PPP1R37: variants seen among roughly 807,000 people sequenced by gnomAD.
The protein encoded by PPP1R37 is leucine rich repeat containing 68.
PPP1R37 carries 21 observed loss-of-function variants against 61.0 expected under a neutral mutation model. That is an observed-to-expected ratio of 0.34 (90% CI 0.24 to 0.50). PPP1R37 has a LOEUF of 0.50. Ranked by LOEUF, PPP1R37 falls within the 20% of genes least tolerant of loss-of-function variation. PPP1R37 has a pLI of 0.98. For synonymous variants in PPP1R37, 443 were observed against 433.5 expected (o/e 1.02, Z -0.27); for missense variants, 910 against 952.7 (o/e 0.96, Z 0.59).
chr19:45,141,191 T>C, intron 4 of PPP1R37, 131 bp from the exon 5 acceptor site: 3 of 1,002,322 alleles, frequency 3.0e-6, no homozygotes, highest in Non-Finnish European at 4.2e-6. Context: ...TCTGTGCTTG[T>C]CCTCCTCTCC....
chr19:45,124,333 G>T (rs931760211), intron 1 of PPP1R37, among the ~76,000 whole-genome samples: 1 of 152,210 alleles, frequency 6.6e-6, no homozygotes, highest in Non-Finnish European at 1.5e-5. Context: ...CGGGCCCTTC[G>T]GGGGACGGGA....
chr19:45,093,581 AG>A, intron 1 of PPP1R37, 54 bp downstream of exon 1: 2 of 1,440,280 alleles, frequency 1.4e-6, no homozygotes, highest in South Asian at 2.5e-5. Flanking sequence ...GGGAGTCGGG[AG>A]GGATCGGTGC....
Position 45,146,464 on chromosome 19 carries a change from A to G in PPP1R37, c.2068A>G (p.Thr690Ala). ...AGCCAGTCAGGAATCCGGGCAGGAG[A>G]CACTGTGACACTTTAGGTGAGGCCA... ...LEASQESGQETL is the reference protein window; with the variant it reads ...LEASQESGQEAL The change falls in exon 12 of 13, where the codon ACA becomes GCA. Residue 690 changes from threonine (T) to alanine (A), a missense_variant. Transcript: ENST00000221462. 2 of 1,535,196 alleles carry G rather than the reference A, an allele frequency of 1.3e-6. No individual in the cohort carries two copies. Among genetic ancestry groups the G allele is most frequent in the East Asian group, 2.4e-5 (1 of 40,840 alleles).
At chr19:45,123,722 C>G (rs1391181497) in intron 1 of PPP1R37, among the ~76,000 whole-genome samples, 1 of 152,220 alleles carries the variant, frequency 6.6e-6, no homozygotes, top group Non-Finnish European at 1.5e-5. Context: ...TAAAGAGCTG[C>G]TCGCACCATT....
intron 1 of PPP1R37, among the ~76,000 whole-genome samples, chr19:45,114,033 G>A (rs1182756639): frequency 6.6e-6 from 1 of 152,250 alleles, no homozygotes; most frequent in East Asian, 1.9e-4. Context: ...AGGGGCTTCC[G>A]TTTGCCACGC....
rs775755455 is a variant in PPP1R37, at chr19:45,145,817, C to T, written c.1761C>T (p.Pro587=). 7.0e-5 allele frequency: 99 copies of T among 1,415,422 alleles called. No individual in the cohort carries two copies. In the South Asian group the frequency reaches 1.3e-3, roughly 18 times the overall value. The allele number at this position is 1,415,422 out of a possible 1,614,324, so 87.7% of individuals were successfully genotyped here. Reference sequence around the variant, plus strand: ...AGAGGGCAGAGCCCCCTGCGTCCCCCACCCCTCCCTCTCCCCCACCCCCTC... The same window carrying T: ...AGAGGGCAGAGCCCCCTGCGTCCCCTACCCCTCCCTCTCCCCCACCCCCTC... ...PPERAEPPAS[P]TPPSPPPPPS... is the part of the protein sequence containing the mutation. Residue 587 remains proline, a synonymous_variant, in exon 11 of 13, where the codon CCC becomes CCT. Coordinates refer to ENST00000221462, the MANE Select transcript of PPP1R37 (RefSeq NM_019121.2).
chr19:45,106,918 G>C (rs537960315), intron 1 of PPP1R37, among the ~76,000 whole-genome samples: 2 of 138,272 alleles, frequency 1.4e-5, no homozygotes, highest in Admixed American at 1.6e-4. Flanking sequence ...CCAGGTTCAC[G>C]CCATTCTCCT....
At chr19:45,099,061 G>A (rs772006447) in intron 1 of PPP1R37, among the ~76,000 whole-genome samples, 9 of 152,186 alleles carry the variant, frequency 5.9e-5, no homozygotes, top group South Asian at 4.1e-4. Flanking sequence ...CTGATCCATA[G>A]TAAATGCCCA....
chr19:45,131,834 G>A lies in PPP1R37; in HGVS notation c.203-6680G>A, dbSNP rs138645962. Among the ~76,000 whole-genome samples, 583 of 152,268 alleles carry A rather than the reference G, an allele frequency of 3.8e-3. 5 individuals carry two copies. Among genetic ancestry groups the A allele is most frequent in the Non-Finnish European group, 5.4e-3 (368 of 68,032 alleles). ...ACCATCATCACGTTTTTCTCCATTTGTGTCTCCTGCTGACTAAGCCACACT... is the reference window on the plus strand; with the variant it reads ...ACCATCATCACGTTTTTCTCCATTTATGTCTCCTGCTGACTAAGCCACACT... On this transcript the variant is annotated intron_variant, in intron 1 of 12. Transcript: ENST00000221462.
chr19:45,113,092 A>C (rs1025014923), intron 1 of PPP1R37, among the ~76,000 whole-genome samples: 1 of 152,156 alleles, frequency 6.6e-6, no homozygotes, highest in African/African-American at 2.4e-5. Context: ...CCCCTTCCAT[A>C]GTGTGCAGGG....
intron 1 of PPP1R37, among the ~76,000 whole-genome samples, chr19:45,097,916 G>A (rs536418687): frequency 6.6e-6 from 1 of 152,290 alleles, no homozygotes; most frequent in South Asian, 2.1e-4. Context: ...AATGTCAGGG[G>A]CCTGAGCAGC....
chr19:45,103,062 A>G (rs935628897), intron 1 of PPP1R37, among the ~76,000 whole-genome samples: 1 of 152,242 alleles, frequency 6.6e-6, no homozygotes, highest in Non-Finnish European at 1.5e-5. Flanking sequence ...AGGAAGGTCC[A>G]TGAAGGCAGG....
rs1207988814 is a variant in PPP1R37 at position 45,145,191 on chromosome 19, G to A, written c.1227G>A (p.Leu409=). 3 of 1,535,186 alleles carry A rather than the reference G, an allele frequency of 2.0e-6. No homozygotes were observed. Among genetic ancestry groups the A allele is most frequent in the Admixed American group, 2.0e-5 (1 of 50,936 alleles). The change falls in exon 10 of 13, where the codon CTG becomes CTA. Residue 409 remains leucine (L), a synonymous_variant. Transcript: ENST00000221462. ...NEIKTGGLMA[L]SLALKVNHSL... is the part of the protein sequence containing the mutation. ...TCAAGACAGGCGGGCTCATGGCACTGTCGTTGGCCCTCAAGGTGAACCACT... is the reference window on the plus strand; with the variant it reads ...TCAAGACAGGCGGGCTCATGGCACTATCGTTGGCCCTCAAGGTGAACCACT...
chr19:45,105,016 G>A (rs1568440321), intron 1 of PPP1R37, among the ~76,000 whole-genome samples: 1 of 152,238 alleles, frequency 6.6e-6, no homozygotes, highest in Non-Finnish European at 1.5e-5. Flanking sequence ...CCCTGGACTG[G>A]AAGCATCACT....
intron 1 of PPP1R37, among the ~76,000 whole-genome samples, chr19:45,123,834 G>C (rs558408271): frequency 2.0e-4 from 31 of 152,156 alleles, no homozygotes; most frequent in Non-Finnish European, 2.9e-4. Context: ...CCTCTCCCCT[G>C]CCTGCAGGCT....
intron 1 of PPP1R37, among the ~76,000 whole-genome samples, chr19:45,133,967 T>C (rs1239083788): frequency 6.6e-6 from 1 of 152,206 alleles, no homozygotes; most frequent in Non-Finnish European, 1.5e-5. Flanking sequence ...TGGTTAGTGC[T>C]CAGTACGCCA....
At chr19:45,116,396 C>T (rs1299664111) in intron 1 of PPP1R37, among the ~76,000 whole-genome samples, 1 of 152,196 alleles carries the variant, frequency 6.6e-6, no homozygotes, top group Non-Finnish European at 1.5e-5. Flanking sequence ...GCCTAGCCCG[C>T]CCCCTGGAGC....
In PPP1R37 at chr19:45,097,241, CAG is replaced by C. The variant is rs1268386826; in HGVS notation, c.202+3715_202+3716del. 3.3e-5 allele frequency among the ~76,000 whole-genome samples: 5 copies of C among 151,132 alleles called. 1 individual carries two copies. The East Asian group carries it at 9.7e-4, about 29-fold the overall frequency. On this transcript the variant is annotated intron_variant, in intron 1 of 12. Coordinates refer to ENST00000221462, the MANE Select transcript of PPP1R37 (RefSeq NM_019121.2). ...CAATCTCATAAGCTGTGGGGAGGGA[CAG>C]GGGGTGTCATTTGAGCTGTGGATCT...
At chr19:45,108,074 A>G (rs1338197484) in intron 1 of PPP1R37, among the ~76,000 whole-genome samples, 1 of 152,224 alleles carries the variant, frequency 6.6e-6, no homozygotes, top group East Asian at 1.9e-4. Flanking sequence ...AAGGGAAGGA[A>G]CATTGGAAGT....
Sources: gnomAD v4.1 joint callset for allele counts (sites outside exome capture counted in the v4.1 genomes callset) on GRCh38, gnomAD v4.1.1 for gene constraint, MANE v1.5 for transcripts, NCBI Gene and HGNC (gene_info 2026-07-23, HGNC 2026-07-21) for gene names.